ZNF438: variants seen among roughly 807,000 people sequenced by gnomAD.
ZNF438 encodes zinc finger protein 438.
Under a neutral mutation model 38.0 loss-of-function variants are expected in ZNF438, and 25 were observed. The ratio of observed to expected loss-of-function variants is 0.66; its 90% CI spans 0.48 to 0.92. The LOEUF (loss-of-function observed/expected upper bound fraction) is 0.92, where lower values mean the gene tolerates loss of function less well. ZNF438 is among the 40% of genes least tolerant of loss of function. ZNF438 has a pLI of 0.00. For synonymous variants in ZNF438, 372 were observed against 364.1 expected, an observed-to-expected ratio of 1.02 and a Z score of -0.25; for missense variants, 1,007 against 999.6, an observed-to-expected ratio of 1.01 and a Z score of -0.10.
At chr10:30,905,427 C>T (rs1168852847) in intron 3 of ZNF438, among the ~76,000 whole-genome samples, 2 of 152,166 alleles carry the variant, frequency 1.3e-5, no homozygotes, top group Non-Finnish European at 2.9e-5. Flanking sequence ...AATGTCTATT[C>T]AATTTCTTTG....
intron 1 of ZNF438, among the ~76,000 whole-genome samples, chr10:30,957,179 G>T (rs2048954643): frequency 2.0e-5 from 3 of 152,214 alleles, no homozygotes; most frequent in Middle Eastern, 3.4e-3. Flanking sequence ...GTTGCCATTT[G>T]CATGTCTTCT....
chr10:30,973,476 C>T lies in ZNF438; in HGVS notation c.-191-31825G>A, dbSNP rs376648088. ...ATCTCTGCATCCCTACCAGAGCCTA[C>T]CATACAGTGGCACTTAAAAGCCTAT... On this transcript the variant is annotated intron_variant, in intron 1 of 5. Transcript: ENST00000413025. Among the ~76,000 whole-genome samples, 55 of 152,296 alleles carry T rather than the reference C, an allele frequency of 3.6e-4. No individual in the cohort carries two copies. The East Asian group carries it at 5.0e-3, about 14-fold the overall frequency.
chr10:30,945,016 A>AT (rs1189378508), intron 1 of ZNF438, among the ~76,000 whole-genome samples: 15 of 138,342 alleles, frequency 1.1e-4, no homozygotes, highest in Non-Finnish European at 1.4e-4. Flanking sequence ...GGTTTTGTTG[A>AT]TTTTTTTCTA....
intron 1 of ZNF438, among the ~76,000 whole-genome samples, chr10:30,943,516 A>T (rs2047042995): frequency 1.3e-5 from 2 of 152,220 alleles, no homozygotes; most frequent in African/African-American, 4.8e-5. Context: ...AGATATTGGA[A>T]CAATTCTGGT....
chr10:30,849,168 C>T (rs1375941860), exon 5 of ZNF438: 1 of 1,613,770 alleles, frequency 6.2e-7, no homozygotes, highest in Non-Finnish European at 8.5e-7. Context: ...TTTACTCTTT[C>T]TTTACCATCT....
At position 30,849,069 on chromosome 10, in the gene ZNF438, T is replaced by C. The variant is rs781012147; in HGVS notation, c.1336A>G (p.Thr446Ala). The change falls in exon 5 of 6, where the codon ACT becomes GCT. Residue 446 changes from threonine to alanine, a missense_variant. Thr to Ala is a moderately conservative substitution (Grantham distance 58). Transcript: ENST00000413025. ...GTTGGAGAAGCCAGGGAGGCCAAAGTGGGTATGACCATGATAGGTTTGGGC... is the reference window on the plus strand; with the variant it reads ...GTTGGAGAAGCCAGGGAGGCCAAAGCGGGTATGACCATGATAGGTTTGGGC... The C allele has an allele frequency of 6.2e-7, 1 of 1,614,090 alleles. No homozygotes were observed. The highest frequency in any genetic ancestry group is 8.5e-7 in the Non-Finnish European group (1 of 1,180,024).
chr10:30,954,690 T>C (rs1251811061), intron 1 of ZNF438, among the ~76,000 whole-genome samples: 1 of 152,158 alleles, frequency 6.6e-6, no homozygotes, highest in Non-Finnish European at 1.5e-5. Flanking sequence ...AATGCCTCTC[T>C]AAAATAAATG....
chr10:30,844,939 A>T (rs755335149), exon 6 of ZNF438: 1 of 1,606,608 alleles, frequency 6.2e-7, no homozygotes, highest in Admixed American at 1.7e-5. Context: ...CTCTCTCCTT[A>T]ACCCCAGGCT....
chr10:31,024,097 G>A lies in ZNF438; in HGVS notation c.-192+7736C>T, dbSNP rs113392975. On this transcript the variant is annotated intron_variant, in intron 1 of 5. Transcript: ENST00000413025. ...AGTTTCAAGAAACCTAATTAAGTTA[G>A]GCAAAGATTCTGTGAATTTATCCAG... Among the ~76,000 whole-genome samples, 477 of 152,276 alleles carry A rather than the reference G, an allele frequency of 3.1e-3. 2 individuals carry two copies. The highest frequency in any genetic ancestry group is 0.01 in the African/African-American group (424 of 41,548).
intron 4 of ZNF438, among the ~76,000 whole-genome samples, chr10:30,867,267 G>C (rs1383171540): frequency 6.6e-5 from 10 of 152,146 alleles, no homozygotes; most frequent in African/African-American, 2.4e-4. Flanking sequence ...CTTCAATGAA[G>C]CCAGAATTTA....
intron 1 of ZNF438, among the ~76,000 whole-genome samples, chr10:30,979,401 G>A (rs2136389826): frequency 6.6e-6 from 1 of 152,206 alleles, no homozygotes; most frequent in Non-Finnish European, 1.5e-5. Flanking sequence ...TCACAAAACT[G>A]GATAGAACTA....
At chr10:30,897,722 A>G (rs2041516669) in intron 3 of ZNF438, among the ~76,000 whole-genome samples, 1 of 152,196 alleles carries the variant, frequency 6.6e-6, no homozygotes. Context: ...TCCTCCTGGG[A>G]TCTTCAAGAC....
At chr10:31,009,373 T>G (rs1327443857) in intron 1 of ZNF438, among the ~76,000 whole-genome samples, 1 of 152,208 alleles carries the variant, frequency 6.6e-6, no homozygotes. Context: ...AGCCATATAC[T>G]GATAGCAATA....
chr10:30,849,578 A>ATGATAAT lies in ZNF438; in HGVS notation c.826_827insATTATCA (p.Ile276AsnfsTer40). Reference sequence around the variant, plus strand: ...GATCAACTGAACTGCATTGCCAAGAATGGTTGGTGATAAATTGGTCATGGT... The same window carrying ATGATAAT: ...GATCAACTGAACTGCATTGCCAAGAATGATAATTGGTTGGTGATAAATTGGTCATGGT... On this transcript the variant is annotated frameshift_variant, in exon 5 of 6. Coordinates refer to ENST00000413025, the Ensembl canonical transcript of ZNF438. LOFTEE classifies it high-confidence loss of function. The ATGATAAT allele has an allele frequency of 6.2e-7, 1 of 1,614,240 alleles. No homozygotes were observed. Among genetic ancestry groups the ATGATAAT allele is most frequent in the Non-Finnish European group, 8.5e-7 (1 of 1,180,044 alleles).
chr10:30,940,977 G>A (rs945577518), intron 2 of ZNF438, among the ~76,000 whole-genome samples: 1 of 152,070 alleles, frequency 6.6e-6, no homozygotes, highest in Non-Finnish European at 1.5e-5. Context: ...AGGACTTAAC[G>A]ACTAGACTTG....
intron 1 of ZNF438, among the ~76,000 whole-genome samples, chr10:30,964,046 A>T (rs1360471731): frequency 2.0e-5 from 3 of 152,200 alleles, no homozygotes; most frequent in South Asian, 2.1e-4. Flanking sequence ...TAGCTGAAAT[A>T]GCTGCTGCAT....
intron 1 of ZNF438, among the ~76,000 whole-genome samples, chr10:30,989,179 C>A (rs917689226): frequency 6.6e-6 from 1 of 152,060 alleles, no homozygotes; most frequent in South Asian, 2.1e-4. Flanking sequence ...GTTTGATTTG[C>A]CAACTCCCAA....
intron 1 of ZNF438, among the ~76,000 whole-genome samples, chr10:30,959,726 T>G (rs1206454150): frequency 6.8e-6 from 1 of 146,542 alleles, no homozygotes; most frequent in African/African-American, 2.4e-5. Flanking sequence ...CCAGCCTGGG[T>G]GACAGAGCCA....
intron 4 of ZNF438, among the ~76,000 whole-genome samples, chr10:30,876,354 C>T (rs934220751): frequency 1.3e-5 from 2 of 152,008 alleles, no homozygotes; most frequent in African/African-American, 4.8e-5. Flanking sequence ...GGTATTTCTC[C>T]CCGGGGTTAG....
Sources: gnomAD v4.1 joint callset for allele counts (sites outside exome capture counted in the v4.1 genomes callset) on GRCh38, gnomAD v4.1.1 for gene constraint, MANE v1.5 for transcripts, NCBI Gene and HGNC (gene_info 2026-07-23, HGNC 2026-07-21) for gene names.